The following ABCA9 variants were observed in gnomAD, a reference collection of about 807,000 sequenced individuals.
ABCA9 encodes the protein ATP-binding cassette sub-family A member 9.
In ABCA9, 183 loss-of-function variants were observed where a neutral mutation model predicts 205.3. The ratio of observed to expected loss-of-function variants is 0.89; its 90% CI spans 0.79 to 1.01. ABCA9 has a LOEUF of 1.01. ABCA9 is among the 50% of genes least tolerant of loss of function. The probability of loss-of-function intolerance (pLI) is 0.00; values close to 1 mark genes in which losing one functional copy is unlikely to be tolerated. For missense variants in ABCA9, 1,805 were observed against 1,912.4 expected, an observed-to-expected ratio of 0.94 and a Z score of 1.05; for synonymous variants, 651 against 683.3, an observed-to-expected ratio of 0.95 and a Z score of 0.74.
intron 13 of ABCA9, 94 bp from the exon 14 acceptor site, chr17:69,027,543 GAAA>G: frequency 6.4e-7 from 1 of 1,556,594 alleles, no homozygotes; most frequent in Non-Finnish European, 8.7e-7. Context: ...CTTTTTGCCT[GAAA>G]TTTAGATGAG....
chr17:68,989,199 C>A, intron 30 of ABCA9, 81 bp from the exon 31 acceptor site: 1 of 838,732 alleles, frequency 1.2e-6, no homozygotes. Context: ...GGCTGTGTGT[C>A]AAGTGCTATG....
chr17:69,065,941 C>T (rs1445962849), upstream of ABCA9, among the ~76,000 whole-genome samples: 3 of 152,148 alleles, frequency 2.0e-5, no homozygotes, highest in African/African-American at 7.2e-5. Context: ...ACTTCTCTTT[C>T]CTGCCACCCT....
At chr17:68,989,504 G>A (rs1412633351) in intron 30 of ABCA9, among the ~76,000 whole-genome samples, 1 of 152,120 alleles carries the variant, frequency 6.6e-6, no homozygotes, top group Non-Finnish European at 1.5e-5. Flanking sequence ...GCCTCCATTG[G>A]CTCCCTTCTG....
upstream of ABCA9, among the ~76,000 whole-genome samples, chr17:69,065,490 G>A (rs1241957020): frequency 6.6e-6 from 1 of 151,700 alleles, no homozygotes; most frequent in Non-Finnish European, 1.5e-5. Context: ...TAATTATCTG[G>A]TCCTTTCTTC....
At chr17:69,065,387 C>G (rs566949957), upstream of ABCA9, among the ~76,000 whole-genome samples, 62 of 152,286 alleles carry the variant, frequency 4.1e-4, 1 homozygote, top group South Asian at 0.011. Flanking sequence ...CACATATAAA[C>G]AATCTTTCTG....
At chr17:68,989,291 CACA>C in intron 30 of ABCA9, 173 bp from the exon 31 acceptor site, 1 of 518,286 alleles carries the variant, frequency 1.9e-6, no homozygotes, top group East Asian at 3.1e-5. Context: ...CACACACACA[CACA>C]CCCCTGAGCA....
rs574928128 is a variant in ABCA9, at chr17:68,987,473, G to A, written c.4048-1149C>T. On this transcript the variant is annotated intron_variant, in intron 31 of 38. Transcript: ENST00000340001. ...GGGAGGATTTAATTTAGCTGACAGT[G>A]TAGTTAGGAAAAGGCATTTTGGGGA... is the stretch of plus-strand genomic sequence containing the variant. Among the ~76,000 whole-genome samples the A allele has an allele frequency of 2.0e-5, 3 of 152,324 alleles. No individual in the cohort carries two copies. The South Asian group carries it at 6.2e-4, about 32-fold the overall frequency.
chr17:69,029,495 T>C (rs991958582), intron 10 of ABCA9, among the ~76,000 whole-genome samples: 1 of 152,158 alleles, frequency 6.6e-6, no homozygotes, highest in African/African-American at 2.4e-5. Context: ...AATATATTGT[T>C]AGAAGAATTG....
At chr17:69,021,638 C>A (rs2070809981) in intron 18 of ABCA9, 104 bp downstream of exon 18, 1 of 743,000 alleles carries the variant, frequency 1.3e-6, no homozygotes, top group Non-Finnish European at 2.1e-6. Context: ...GGCATATTTT[C>A]AAGATAAAAT....
At chr17:69,060,269 T>C (rs1432455691) in intron 1 of ABCA9, among the ~76,000 whole-genome samples, 13 of 152,178 alleles carry the variant, frequency 8.5e-5, no homozygotes, top group Admixed American at 8.5e-4. Flanking sequence ...AAATAATAAA[T>C]TGGTTATAAA....
At chr17:69,029,365 G>T in intron 10 of ABCA9, 138 bp from the exon 11 acceptor site, 2 of 546,326 alleles carry the variant, frequency 3.7e-6, no homozygotes, top group Non-Finnish European at 6.4e-6. Context: ...AAAATCTGGG[G>T]ATTATTTTCT....
the ABCA9 span, among the ~76,000 whole-genome samples, chr17:69,069,011 G>A: frequency 6.6e-6 from 1 of 152,160 alleles, no homozygotes; most frequent in African/African-American, 2.4e-5. Context: ...AGCCCCATGT[G>A]AGTATTTAAA....
At chr17:68,979,025 T>C (rs541365681) in intron 37 of ABCA9, among the ~76,000 whole-genome samples, 408 of 152,236 alleles carry the variant, frequency 2.7e-3, no homozygotes, top group African/African-American at 9.5e-3. Flanking sequence ...CATGATTGTA[T>C]ATCTAGAAAA....
intron 2 of ABCA9, 149 bp downstream of exon 2, chr17:69,050,882 G>A (rs2144506951): frequency 1.8e-6 from 1 of 570,542 alleles, no homozygotes; most frequent in Non-Finnish European, 2.7e-6. Context: ...TGAACAAATA[G>A]CAAAGCCCAG....
chr17:68,993,918 C>G (rs1323034264), intron 26 of ABCA9, among the ~76,000 whole-genome samples: 1 of 152,110 alleles, frequency 6.6e-6, no homozygotes, highest in East Asian at 1.9e-4. Context: ...TTCTGTTGCC[C>G]AGGCTGGAGT....
upstream of ABCA9, chr17:69,061,120 C>A: frequency 1.0e-6 from 1 of 985,330 alleles, no homozygotes; most frequent in Non-Finnish European, 1.2e-6. Context: ...GCTAGTTACT[C>A]AGCAGGGAGT....
intron 27 of ABCA9, among the ~76,000 whole-genome samples, 153 bp downstream of exon 27, chr17:68,992,863 G>A (rs2069499774): frequency 2.0e-5 from 3 of 151,510 alleles, no homozygotes; most frequent in African/African-American, 7.3e-5. Flanking sequence ...GTGTGTGTGT[G>A]TGTGTGCACG....
chr17:69,035,946 C>A, intron 6 of ABCA9, 145 bp from the exon 7 acceptor site: 1 of 988,868 alleles, frequency 1.0e-6, no homozygotes, highest in South Asian at 2.2e-5. Flanking sequence ...CTCCTACCCT[C>A]AGGATCACAT....
intron 25 of ABCA9, among the ~76,000 whole-genome samples, chr17:68,997,965 C>A (rs1023199980): frequency 6.6e-6 from 1 of 152,206 alleles, no homozygotes; most frequent in Admixed American, 6.5e-5. Context: ...TGACCCCTGG[C>A]AACCATTGAT....
Sources: allele counts gnomAD v4.1 joint callset (sites outside exome capture counted in the v4.1 genomes callset), GRCh38; gene constraint gnomAD v4.1.1; transcripts MANE v1.5; gene names NCBI Gene and HGNC (gene_info 2026-07-23, HGNC 2026-07-21).